DMD: variants seen among roughly 807,000 people sequenced by gnomAD.
DMD encodes the protein dystrophin.
A neutral mutation model predicts 330.1 loss-of-function variants in DMD; 63 were observed. The ratio of observed to expected loss-of-function variants is 0.19; its 90% CI spans 0.16 to 0.24. The LOEUF (loss-of-function observed/expected upper bound fraction) is 0.24. Ranked by LOEUF, DMD falls within the 10% of genes least tolerant of loss-of-function variation. The probability of loss-of-function intolerance (pLI) is 1.00; values close to 1 mark genes in which losing one functional copy is unlikely to be tolerated. For missense variants in DMD, 3,344 were observed against 2,684.1 expected, an observed-to-expected ratio of 1.25 and a Z score of -5.43; for synonymous variants, 1,223 against 959.8, an observed-to-expected ratio of 1.27 and a Z score of -5.07.
intron 44 of DMD, among the ~76,000 whole-genome samples, chrX:32,213,584 C>G (rs2097101269): frequency 8.9e-6 from 1 of 111,884 alleles, no homozygotes; most frequent in Non-Finnish European, 1.9e-5. Context: ...ATTCACAGCT[C>G]TTTTCTGAAA....
At chrX:31,591,914 A>G (rs750284311) in intron 55 of DMD, among the ~76,000 whole-genome samples, 1 of 111,079 alleles carries the variant, frequency 9.0e-6, no homozygotes, top group African/African-American at 3.3e-5. Flanking sequence ...CCTCCTAAGG[A>G]GTTTATCTCA....
chrX:31,666,696 C>G (rs929088058), intron 53 of DMD, among the ~76,000 whole-genome samples: 5 of 111,621 alleles, frequency 4.5e-5, no homozygotes, highest in African/African-American at 1.6e-4. Flanking sequence ...CAACAATATC[C>G]CTGTTTTTCT....
chrX:32,739,437 G>C (rs933391664), intron 7 of DMD, among the ~76,000 whole-genome samples: 1 of 111,919 alleles, frequency 8.9e-6, no homozygotes, highest in African/African-American at 3.3e-5. Flanking sequence ...AAACACAAGT[G>C]TAAGATTACC....
chrX:32,620,144 A>G (rs1772644248), intron 11 of DMD, among the ~76,000 whole-genome samples: 1 of 112,038 alleles, frequency 8.9e-6, no homozygotes, highest in African/African-American at 3.2e-5. Flanking sequence ...CAGAGTAACT[A>G]TCAAAATACT....
intron 7 of DMD, among the ~76,000 whole-genome samples, chrX:32,700,736 G>A (rs868674458): frequency 9.0e-6 from 1 of 110,926 alleles, no homozygotes; most frequent in Non-Finnish European, 1.9e-5. Context: ...ATAAATCCTG[G>A]CAGGAGGTCA....
intron 43 of DMD, among the ~76,000 whole-genome samples, chrX:32,233,489 C>A (rs2097175704): frequency 9.3e-6 from 1 of 107,042 alleles, no homozygotes. Flanking sequence ...GAGTACCACA[C>A]AAAATAAATA....
At chrX:31,564,175 T>C (rs1259010400) in intron 55 of DMD, among the ~76,000 whole-genome samples, 2 of 111,598 alleles carry the variant, frequency 1.8e-5, no homozygotes, top group African/African-American at 6.5e-5. Flanking sequence ...TCCTGACACC[T>C]TGATCTCAGA....
chrX:33,077,330 G>A (rs1256725955), intron 1 of DMD, among the ~76,000 whole-genome samples: 1 of 111,634 alleles, frequency 9.0e-6, no homozygotes, highest in Non-Finnish European at 1.9e-5. Context: ...AGGAATGAAC[G>A]AAGACAGCTT....
intron 39 of DMD, among the ~76,000 whole-genome samples, chrX:32,343,610 G>T (rs959145437): frequency 9.0e-6 from 1 of 110,919 alleles, no homozygotes; most frequent in East Asian, 2.8e-4. Context: ...TTTAATATAC[G>T]AATACAATTG....
intron 1 of DMD, among the ~76,000 whole-genome samples, chrX:33,227,579 T>C (rs1022332105): frequency 2.7e-5 from 3 of 111,108 alleles, no homozygotes; most frequent in African/African-American, 9.8e-5. Flanking sequence ...AAGACTTCTA[T>C]GAAATAAAGG....
chrX:32,187,082 GA>G (rs747665620), intron 44 of DMD, among the ~76,000 whole-genome samples: 177 of 109,701 alleles, frequency 1.6e-3, no homozygotes, highest in African/African-American at 5.5e-3. Context: ...GGCCATCCAA[GA>G]AAAAAAATAA....
chrX:31,788,281 T>G (rs1424036055), intron 50 of DMD, among the ~76,000 whole-genome samples: 2 of 112,124 alleles, frequency 1.8e-5, no homozygotes, highest in African/African-American at 6.5e-5. Flanking sequence ...GAAGCTGTAT[T>G]ATTACAGTTG....
At chrX:32,659,816 T>G (rs760718475) in intron 9 of DMD, among the ~76,000 whole-genome samples, 5 of 110,739 alleles carry the variant, frequency 4.5e-5, no homozygotes, top group South Asian at 7.7e-4. Context: ...TTCAATGCAG[T>G]GTTGGCTTCC....
chrX:32,568,895 T>C (rs894000104), intron 15 of DMD, among the ~76,000 whole-genome samples: 2 of 112,124 alleles, frequency 1.8e-5, no homozygotes, highest in African/African-American at 3.2e-5. Flanking sequence ...AGGTCTTACA[T>C]GTGCATATTA....
At chrX:32,585,699 CAAAAAAAAAAAAAAAAAAAAAA>C (rs61394183) in intron 13 of DMD, among the ~76,000 whole-genome samples, 7 of 31,919 alleles carry the variant, frequency 2.2e-4, no homozygotes, top group Non-Finnish European at 3.3e-4. Context: ...GACTCCGTCT[CAAAAAAAAAAAAAAAAAAAAAA>C]AAAAAAAAAG....
At chrX:31,317,509 ATTTT>A (rs775949235) in intron 62 of DMD, among the ~76,000 whole-genome samples, 1 of 84,899 alleles carries the variant, frequency 1.2e-5, no homozygotes, top group African/African-American at 5.0e-5. Context: ...AAATGAGGAA[ATTTT>A]TTTTTTTTTT....
rs73466401 is a variant in DMD, at chrX:31,364,690, T to G, written c.9085-16056A>C. 7.6e-3 allele frequency among the ~76,000 whole-genome samples: 851 copies of G among 111,984 alleles called. 7 individuals are homozygous for G. The highest frequency in any genetic ancestry group is 0.025 in the African/African-American group (786 of 30,825). ...TTGCCTTTTTAAATTTAAAGAGACT[T>G]CATAAAAATGTGGGACAGAGCAGAA... On this transcript the variant is annotated intron_variant, in intron 60 of 78. Coordinates refer to ENST00000357033, the MANE Select transcript of DMD (RefSeq NM_004006.3).
At position 32,094,929 on chromosome X, in the gene DMD, G is replaced by A. The variant is rs777826609; in HGVS notation, c.6438+121987C>T. ...GTAGGTGTGGCAGGTCTTCAAGGGG[G>A]CAATGGGACTTGAGCAAGTGTCTTG... is the stretch of plus-strand genomic sequence containing the variant. On this transcript the variant is annotated intron_variant, in intron 44 of 78. Coordinates refer to ENST00000357033, the MANE Select transcript of DMD (RefSeq NM_004006.3). Among the ~76,000 whole-genome samples the A allele has an allele frequency of 2.7e-5, 3 of 111,498 alleles. 1 individual carries two copies. The Admixed American group carries it at 2.9e-4, about 11-fold the overall frequency.
At chrX:32,992,906 CAAAAAAAA>C (rs34177386) in intron 2 of DMD, among the ~76,000 whole-genome samples, 8 of 35,514 alleles carry the variant, frequency 2.3e-4, no homozygotes, top group Non-Finnish European at 4.0e-4. Flanking sequence ...AGCTCTGTCT[CAAAAAAAA>C]AAAAAAAAAA....
Sources: gnomAD v4.1 joint callset for allele counts (sites outside exome capture counted in the v4.1 genomes callset) on GRCh38, gnomAD v4.1.1 for gene constraint, MANE v1.5 for transcripts, NCBI Gene and HGNC (gene_info 2026-07-23, HGNC 2026-07-21) for gene names.